The following PCSK2 variants were observed in gnomAD, a reference collection of about 807,000 sequenced individuals.
PCSK2 encodes proprotein convertase subtilisin/kexin type 2.
Under a neutral mutation model 69.7 loss-of-function variants are expected in PCSK2, and 14 were observed. The ratio of observed to expected loss-of-function variants is 0.20; its 90% CI spans 0.13 to 0.31. The LOEUF (loss-of-function observed/expected upper bound fraction) is 0.31. Among genes scored for constraint, PCSK2 ranks in the 10% least tolerant of loss-of-function variants. The pLI, the probability that PCSK2 is intolerant of heterozygous loss-of-function variation, is 1.00. For missense variants in PCSK2, 544 were observed against 842.5 expected (o/e 0.65, Z 4.39); for synonymous variants, 307 against 320.7 (o/e 0.96, Z 0.46).
At chr20:17,422,183 GTTAA>G (rs1169551345) in intron 6 of PCSK2, among the ~76,000 whole-genome samples, 1 of 152,124 alleles carries the variant, frequency 6.6e-6, no homozygotes, top group East Asian at 1.9e-4. Context: ...CACTTGAGGA[GTTAA>G]TTATCGAATT....
intron 2 of PCSK2, among the ~76,000 whole-genome samples, chr20:17,294,098 CTTTTTT>C (rs34805695): frequency 4.1e-5 from 3 of 73,960 alleles, no homozygotes; most frequent in Non-Finnish European, 7.3e-5. Flanking sequence ...AAAGTATTTT[CTTTTTT>C]TTTTTTTTTT....
intron 1 of PCSK2, among the ~76,000 whole-genome samples, chr20:17,231,518 G>A (rs905434373): frequency 1.3e-5 from 2 of 152,084 alleles, no homozygotes; most frequent in Non-Finnish European, 1.5e-5. Context: ...TAAAGTCTAC[G>A]TATTTTGGCA....
Position 17,449,277 on chromosome 20 carries a change from C to A in PCSK2, c.886-4465C>A, listed in dbSNP as rs553832270. On this transcript the variant is annotated intron_variant, in intron 8 of 11. Transcript: ENST00000262545. ...GCCCCCCAGCAGACAGCCCCACCCA[C>A]AGTGCTGGCTCTTGGGTCATGGCCT... Among the ~76,000 whole-genome samples, 195 of 152,268 alleles carry A rather than the reference C, an allele frequency of 1.3e-3. No homozygotes were observed. In the Middle Eastern group the frequency reaches 0.014, roughly 11 times the overall value.
intron 1 of PCSK2, among the ~76,000 whole-genome samples, chr20:17,242,258 C>G (rs117063187): frequency 0.02 from 3,113 of 152,310 alleles, 69 homozygotes; most frequent in East Asian, 0.13. Context: ...TGGCTTACAG[C>G]CAAGTGTACT....
chr20:17,472,206 C>T (rs959298516), intron 11 of PCSK2, among the ~76,000 whole-genome samples: 2 of 152,226 alleles, frequency 1.3e-5, no homozygotes, highest in Non-Finnish European at 2.9e-5. Context: ...GGGGACTGTT[C>T]ACTGAGCTCC....
upstream of PCSK2, among the ~76,000 whole-genome samples, chr20:17,226,785 G>A (rs1296242010): frequency 6.7e-6 from 1 of 149,306 alleles, no homozygotes; most frequent in Non-Finnish European, 1.5e-5. Context: ...TGAAAGGGGC[G>A]GGGGCGCGGG....
At chr20:17,448,636 C>T (rs1415538574) in intron 8 of PCSK2, among the ~76,000 whole-genome samples, 1 of 152,026 alleles carries the variant, frequency 6.6e-6, no homozygotes, top group Non-Finnish European at 1.5e-5. Flanking sequence ...AGTAGTCTCC[C>T]TGGCCTTTAT....
At chr20:17,295,115 T>C (rs1316257162) in intron 2 of PCSK2, among the ~76,000 whole-genome samples, 1 of 152,118 alleles carries the variant, frequency 6.6e-6, no homozygotes, top group Non-Finnish European at 1.5e-5. Context: ...CATATCATAG[T>C]GATAGAAGCA....
At chr20:17,428,683 A>G (rs1462190202) in intron 6 of PCSK2, among the ~76,000 whole-genome samples, 1 of 152,104 alleles carries the variant, frequency 6.6e-6, no homozygotes, top group African/African-American at 2.4e-5. Flanking sequence ...TTGATTCAGT[A>G]GTTGTTCCAC....
intron 2 of PCSK2, among the ~76,000 whole-genome samples, chr20:17,336,403 T>C (rs1441802529): frequency 2.6e-5 from 4 of 152,216 alleles, no homozygotes; most frequent in Non-Finnish European, 4.4e-5. Flanking sequence ...TCTGGGTCCC[T>C]AAGATGCATT....
intron 2 of PCSK2, 35 bp downstream of exon 2, chr20:17,260,379 T>G: frequency 2.1e-6 from 3 of 1,422,240 alleles, no homozygotes; most frequent in Non-Finnish European, 3.0e-6. Context: ...TCCCAATCTC[T>G]GCTGCCATGG....
chr20:17,364,799 G>T (rs1360817333), intron 4 of PCSK2, among the ~76,000 whole-genome samples: 1 of 152,212 alleles, frequency 6.6e-6, no homozygotes, highest in Non-Finnish European at 1.5e-5. Context: ...TGTTGCTCAT[G>T]CAGTTATGAT....
chr20:17,420,487 T>G (rs1487236421), intron 6 of PCSK2, among the ~76,000 whole-genome samples: 1 of 152,222 alleles, frequency 6.6e-6, no homozygotes, highest in African/African-American at 2.4e-5. Context: ...CAGCATTTAA[T>G]TTTTAAATTT....
intron 2 of PCSK2, among the ~76,000 whole-genome samples, chr20:17,288,265 A>G (rs549992727): frequency 6.6e-6 from 1 of 152,298 alleles, no homozygotes; most frequent in South Asian, 2.1e-4. Flanking sequence ...GCACATGAGG[A>G]TGCTCCCAAA....
intron 5 of PCSK2, among the ~76,000 whole-genome samples, chr20:17,401,708 A>G (rs895013832): frequency 3.9e-5 from 6 of 152,244 alleles, no homozygotes; most frequent in African/African-American, 7.2e-5. Context: ...ACTTTTTAGC[A>G]TACCGGCAAC....
intron 11 of PCSK2, chr20:17,479,540 C>CT (rs2033354032): frequency 3.0e-6 from 1 of 328,546 alleles, no homozygotes; most frequent in African/African-American, 2.2e-5. Context: ...TGGCTCACGC[C>CT]TGTAATCTCA....
At chr20:17,415,651 T>C (rs2031982601) in intron 6 of PCSK2, among the ~76,000 whole-genome samples, 1 of 152,224 alleles carries the variant, frequency 6.6e-6, no homozygotes, top group Admixed American at 6.5e-5. Flanking sequence ...AAGCTACCAA[T>C]GACTTTCTTC....
chr20:17,285,965 A>G (rs947981633), intron 2 of PCSK2, among the ~76,000 whole-genome samples: 8 of 152,226 alleles, frequency 5.3e-5, no homozygotes, highest in African/African-American at 1.7e-4. Flanking sequence ...CTAACTACAG[A>G]GTTACCTTTA....
intron 5 of PCSK2, among the ~76,000 whole-genome samples, chr20:17,404,781 C>T (rs1260779296): frequency 6.6e-6 from 1 of 152,208 alleles, no homozygotes; most frequent in Admixed American, 6.5e-5. Flanking sequence ...CCCAAGAGGC[C>T]TCGGACATTG....
Sources: allele counts gnomAD v4.1 joint callset (sites outside exome capture counted in the v4.1 genomes callset), GRCh38; gene constraint gnomAD v4.1.1; transcripts MANE v1.5; gene names NCBI Gene and HGNC (gene_info 2026-07-23, HGNC 2026-07-21).